ABCC4: variants seen among roughly 807,000 people sequenced by gnomAD.
The protein encoded by ABCC4 is ATP binding cassette subfamily C member 4 (PEL blood group), also known as ATP-binding cassette sub-family C member 4.
Under a neutral mutation model 168.5 loss-of-function variants are expected in ABCC4, and 102 were observed. The ratio of observed to expected loss-of-function variants is 0.61; its 90% CI spans 0.52 to 0.71. The LOEUF (loss-of-function observed/expected upper bound fraction) is 0.71, where lower values mean the gene tolerates loss of function less well. ABCC4 is among the 30% of genes least tolerant of loss of function. ABCC4 has a pLI of 0.00. For missense variants in ABCC4, 1,402 were observed against 1,605.8 expected, an observed-to-expected ratio of 0.87 and a Z score of 2.17; for synonymous variants, 617 against 590.7, an observed-to-expected ratio of 1.04 and a Z score of -0.65.
intron 19 of ABCC4, 83 bp downstream of exon 19, chr13:95,161,106 A>G (rs754593200): frequency 8.8e-7 from 1 of 1,139,134 alleles, no homozygotes; most frequent in Non-Finnish European, 1.2e-6. Flanking sequence ...CATCCCTTCC[A>G]TTTTCAAAGA....
intron 20 of ABCC4, among the ~76,000 whole-genome samples, chr13:95,104,606 G>C (rs1186527778): frequency 6.6e-6 from 1 of 152,144 alleles, no homozygotes; most frequent in Non-Finnish European, 1.5e-5. Flanking sequence ...TCTTTCCCAA[G>C]GCTTCGACTT....
intron 20 of ABCC4, among the ~76,000 whole-genome samples, chr13:95,085,353 C>A (rs1001690014): frequency 6.6e-6 from 1 of 152,014 alleles, no homozygotes; most frequent in African/African-American, 2.4e-5. Flanking sequence ...GGGAGGACAA[C>A]TGCCTGAACC....
At chr13:95,127,400 C>T (rs2035818041) in intron 19 of ABCC4, among the ~76,000 whole-genome samples, 1 of 152,170 alleles carries the variant, frequency 6.6e-6, no homozygotes, top group African/African-American at 2.4e-5. Context: ...ATTCTCCTGC[C>T]TCAGCCTCTC....
intron 19 of ABCC4, among the ~76,000 whole-genome samples, chr13:95,153,237 C>T (rs1006358661): frequency 2.0e-5 from 3 of 152,154 alleles, no homozygotes; most frequent in Non-Finnish European, 4.4e-5. Flanking sequence ...AATGACAATA[C>T]TTGAATTACT....
At chr13:95,133,108 CTTTTT>C (rs761691210) in intron 19 of ABCC4, among the ~76,000 whole-genome samples, 6 of 110,664 alleles carry the variant, frequency 5.4e-5, no homozygotes, top group Admixed American at 2.1e-4. Flanking sequence ...GATTTTAAAA[CTTTTT>C]TTTTTTTTTT....
At chr13:95,023,784 C>G (rs889716005) in intron 30 of ABCC4, among the ~76,000 whole-genome samples, 8 of 152,198 alleles carry the variant, frequency 5.3e-5, no homozygotes, top group Non-Finnish European at 4.4e-5. Context: ...CATCTTTTAT[C>G]TTTACAGAAT....
chr13:95,190,061 G>A (rs1256427920), intron 9 of ABCC4, among the ~76,000 whole-genome samples: 2 of 151,942 alleles, frequency 1.3e-5, no homozygotes, highest in Non-Finnish European at 2.9e-5. Context: ...AGTTGTTTTA[G>A]GCAGGGTACG....
At chr13:95,033,254 A>G (rs2031966057) in intron 30 of ABCC4, among the ~76,000 whole-genome samples, 1 of 152,206 alleles carries the variant, frequency 6.6e-6, no homozygotes, top group Non-Finnish European at 1.5e-5. Context: ...TTCTACCTAC[A>G]GTGATGAAAA....
Position 95,053,214 on chromosome 13 carries a change from CCA to C in ABCC4, c.3367-32_3367-31del, listed in dbSNP as rs530329018. ...GTGCCCAAAATAGTCACGGTCATTA[CCA>C]CAGACTCTTTTTTCATTTTATTCCA... On this transcript the variant is annotated intron_variant, in intron 26 of 30. Coordinates refer to ENST00000645237, the MANE Select transcript of ABCC4 (RefSeq NM_005845.5). 1.9e-4 allele frequency: 291 copies of C among 1,536,456 alleles called. 3 individuals are homozygous for C. In the South Asian group the frequency reaches 2.8e-3, roughly 15 times the overall value.
chr13:95,242,386 C>T (rs559765873), intron 3 of ABCC4, among the ~76,000 whole-genome samples: 4 of 152,230 alleles, frequency 2.6e-5, no homozygotes, highest in African/African-American at 9.6e-5. Context: ...CACCACCATG[C>T]CCAGCTAATT....
intron 29 of ABCC4, among the ~76,000 whole-genome samples, chr13:95,040,915 G>A (rs2032329376): frequency 6.6e-6 from 1 of 152,286 alleles, no homozygotes; most frequent in South Asian, 2.1e-4. Flanking sequence ...ATTCACTCCC[G>A]AAGAATTCTC....
chr13:95,238,381 T>C (rs7336954), intron 3 of ABCC4, among the ~76,000 whole-genome samples: 4,418 of 152,090 alleles, frequency 0.029, 195 homozygotes, highest in African/African-American at 0.096. Context: ...CCAGGAGACT[T>C]ACACGCTCAC....
chr13:95,247,352 C>T (rs531573543), intron 2 of ABCC4, among the ~76,000 whole-genome samples: 7 of 152,320 alleles, frequency 4.6e-5, no homozygotes, highest in African/African-American at 1.4e-4. Context: ...ATCAGTAGCA[C>T]AGATAAGCCA....
intron 1 of ABCC4, among the ~76,000 whole-genome samples, chr13:95,266,836 T>TC (rs1367210145): frequency 6.6e-6 from 1 of 151,600 alleles, no homozygotes; most frequent in Non-Finnish European, 1.5e-5. Context: ...TCTTTTTTTT[T>TC]TTTTTGAGAT....
At chr13:95,058,567 CAAAAA>C (rs1165324016) in intron 26 of ABCC4, among the ~76,000 whole-genome samples, 6 of 62,792 alleles carry the variant, frequency 9.6e-5, no homozygotes, top group African/African-American at 3.4e-4. Flanking sequence ...GACTCCATCT[CAAAAA>C]AAAAAAAAAA....
intron 20 of ABCC4, among the ~76,000 whole-genome samples, chr13:95,107,932 C>A (rs1274823640): frequency 6.6e-6 from 1 of 152,036 alleles, no homozygotes; most frequent in East Asian, 1.9e-4. Flanking sequence ...GAGCGAGACC[C>A]CATCTCAAAA....
At chr13:95,186,629 A>C in intron 11 of ABCC4, 72 bp downstream of exon 11, 1 of 1,420,560 alleles carries the variant, frequency 7.0e-7, no homozygotes, top group Non-Finnish European at 9.5e-7. Flanking sequence ...AAAGTTAATA[A>C]ACCTTGTTGT....
At chr13:95,060,150 A>G (rs2033229303) in intron 26 of ABCC4, among the ~76,000 whole-genome samples, 1 of 152,228 alleles carries the variant, frequency 6.6e-6, no homozygotes, top group African/African-American at 2.4e-5. Flanking sequence ...AGACAAAGCC[A>G]TACAAAGTTA....
intron 1 of ABCC4, among the ~76,000 whole-genome samples, chr13:95,267,971 G>T (rs2040729340): frequency 6.6e-6 from 1 of 152,144 alleles, no homozygotes. Flanking sequence ...ACCAAAACCT[G>T]GATGAGATTT....
Sources: allele counts gnomAD v4.1 joint callset (sites outside exome capture counted in the v4.1 genomes callset), GRCh38; gene constraint gnomAD v4.1.1; transcripts MANE v1.5; gene names NCBI Gene and HGNC (gene_info 2026-07-23, HGNC 2026-07-21).